Variants in SLC25A12 observed in about 807,000 individuals in gnomAD.
SLC25A12 encodes the protein electrogenic aspartate/glutamate antiporter SLC25A12, mitochondrial.
A neutral mutation model predicts 83.3 loss-of-function variants in SLC25A12; 32 were observed. The observed-to-expected ratio is 0.38, with a 90% CI of 0.29 to 0.52. The LOEUF (loss-of-function observed/expected upper bound fraction) is 0.52, where lower values mean the gene tolerates loss of function less well. Ranked by LOEUF, SLC25A12 falls within the 20% of genes least tolerant of loss-of-function variation. SLC25A12 has a pLI of 0.84. For missense variants in SLC25A12, 611 were observed against 835.6 expected (o/e 0.73, Z 3.31); for synonymous variants, 267 against 291.1 (o/e 0.92, Z 0.84).
chr2:171,803,164 A>G (rs1270460379), intron 13 of SLC25A12, among the ~76,000 whole-genome samples: 1 of 152,080 alleles, frequency 6.6e-6, no homozygotes, highest in Non-Finnish European at 1.5e-5. Context: ...AAAATCGGAA[A>G]AGACCTAGAT....
At chr2:171,849,363 A>G (rs545624731) in intron 4 of SLC25A12, among the ~76,000 whole-genome samples, 1 of 151,892 alleles carries the variant, frequency 6.6e-6, no homozygotes, top group Non-Finnish European at 1.5e-5. Flanking sequence ...AAAGCAAAAA[A>G]CAAAAAACTT....
chr2:171,817,776 G>C (rs1198543150), intron 9 of SLC25A12, among the ~76,000 whole-genome samples: 1 of 151,940 alleles, frequency 6.6e-6, no homozygotes, highest in African/African-American at 2.4e-5. Flanking sequence ...AAAAGCCTAT[G>C]ATCCTAAATA....
chr2:171,829,358 G>T (rs994763837), intron 8 of SLC25A12, among the ~76,000 whole-genome samples: 1 of 152,008 alleles, frequency 6.6e-6, no homozygotes, highest in Non-Finnish European at 1.5e-5. Context: ...CCCAGAACCT[G>T]CCCCCAAAAG....
At chr2:171,882,829 A>T (rs1168819009) in intron 2 of SLC25A12, among the ~76,000 whole-genome samples, 1 of 152,228 alleles carries the variant, frequency 6.6e-6, no homozygotes, top group Non-Finnish European at 1.5e-5. Flanking sequence ...ACGCACAAAA[A>T]AAAAATATGT....
At chr2:171,886,142 A>G (rs1447318440) in intron 2 of SLC25A12, among the ~76,000 whole-genome samples, 1 of 152,016 alleles carries the variant, frequency 6.6e-6, no homozygotes, top group Non-Finnish European at 1.5e-5. Context: ...TTGGTGGTCT[A>G]GGCCTAACTC....
Position 171,793,672 on chromosome 2 carries a change from G to A in SLC25A12, c.1401C>T (p.Ser467=), listed in dbSNP as rs150077172. 39 of 1,614,108 alleles carry A rather than the reference G, an allele frequency of 2.4e-5. No individual in the cohort carries two copies. Among genetic ancestry groups the A allele is most frequent in the African/African-American group, 1.1e-4 (8 of 75,022 alleles). The change falls in exon 14 of 18, where the codon AGC becomes AGT. Residue 467 remains serine, a synonymous_variant. Transcript: ENST00000422440. ...AGEITTGPRV[S]ALNVLRDLGI... ...CCAAGTCCCGGAGCACATTCAGGGCGCTGACTCTGGGTCCCGTGGTGATCT... is the reference window on the plus strand; with the variant it reads ...CCAAGTCCCGGAGCACATTCAGGGCACTGACTCTGGGTCCCGTGGTGATCT...
intron 2 of SLC25A12, among the ~76,000 whole-genome samples, chr2:171,869,640 G>A (rs1376955734): frequency 1.3e-5 from 2 of 152,042 alleles, no homozygotes; most frequent in Non-Finnish European, 2.9e-5. Flanking sequence ...AATAATACCT[G>A]TATCAAAGAA....
intron 8 of SLC25A12, among the ~76,000 whole-genome samples, chr2:171,827,803 CAGCCAGGAGGTA>C (rs1321119789): frequency 2.0e-5 from 3 of 152,226 alleles, no homozygotes; most frequent in African/African-American, 4.8e-5. Flanking sequence ...CTTGGCAAGT[CAGCCAGGAGGTA>C]AGCCCAAATT....
intron 4 of SLC25A12, among the ~76,000 whole-genome samples, chr2:171,844,802 GGCT>G (rs150344474): frequency 1.1e-4 from 16 of 152,096 alleles, no homozygotes; most frequent in African/African-American, 1.9e-4. Flanking sequence ...CATCATAAAT[GGCT>G]GCTATTTTAC....
At chr2:171,844,315 G>T in intron 5 of SLC25A12, 54 bp downstream of exon 5, 1 of 1,556,768 alleles carries the variant, frequency 6.4e-7, no homozygotes, top group Non-Finnish European at 8.9e-7. Context: ...AATACAAAGC[G>T]AAGGACACAG....
chr2:171,798,670 C>A (rs1211222636), intron 13 of SLC25A12, among the ~76,000 whole-genome samples: 1 of 152,152 alleles, frequency 6.6e-6, no homozygotes, highest in Non-Finnish European at 1.5e-5. Flanking sequence ...CCTTGCACAC[C>A]ACCAACCGTT....
At chr2:171,818,584 C>A (rs1440701532) in intron 9 of SLC25A12, among the ~76,000 whole-genome samples, 2 of 151,682 alleles carry the variant, frequency 1.3e-5, no homozygotes, top group Admixed American at 1.3e-4. Context: ...CCAGCCTGGG[C>A]AACATGGTAA....
chr2:171,894,137 G>A, intron 1 of SLC25A12, 66 bp downstream of exon 1: 1 of 1,571,150 alleles, frequency 6.4e-7, no homozygotes, highest in Non-Finnish European at 8.7e-7. Context: ...AGCAGTGGGG[G>A]GCTGCAGGCA....
chr2:171,890,477 C>CTGTGTGTGTGTGTGTG (rs34728188), intron 2 of SLC25A12, among the ~76,000 whole-genome samples: 2 of 149,206 alleles, frequency 1.3e-5, no homozygotes, highest in Admixed American at 1.3e-4. Context: ...TCGTGTGTGT[C>CTGTGTGTGTGTGTGTG]TGTGTGTGTG....
At chr2:171,835,852 T>C (rs1281902041) in intron 6 of SLC25A12, among the ~76,000 whole-genome samples, 1 of 152,058 alleles carries the variant, frequency 6.6e-6, no homozygotes, top group East Asian at 1.9e-4. Context: ...AGCCTGAATT[T>C]GGATACCAGC....
intron 4 of SLC25A12, among the ~76,000 whole-genome samples, chr2:171,855,566 A>G (rs1415833790): frequency 2.3e-5 from 3 of 132,186 alleles, no homozygotes; most frequent in Non-Finnish European, 3.3e-5. Context: ...GCCCAGAACA[A>G]GAAAATCTTA....
At chr2:171,890,330 TATAAAACTGTTTC>T (rs1407167274) in intron 2 of SLC25A12, among the ~76,000 whole-genome samples, 1 of 152,260 alleles carries the variant, frequency 6.6e-6, no homozygotes, top group Admixed American at 6.5e-5. Flanking sequence ...TATATGCATC[TATAAAACTGTTTC>T]ATAAAACTGT....
intron 4 of SLC25A12, among the ~76,000 whole-genome samples, chr2:171,853,350 C>T (rs1444668825): frequency 6.6e-6 from 1 of 152,148 alleles, no homozygotes; most frequent in Non-Finnish European, 1.5e-5. Flanking sequence ...ATTCATAAAT[C>T]ATAGTTTGAA....
chr2:171,792,162 C>T (rs925010530), intron 14 of SLC25A12, among the ~76,000 whole-genome samples: 16 of 152,010 alleles, frequency 1.1e-4, no homozygotes, highest in Non-Finnish European at 1.5e-5. Flanking sequence ...GCAGCTTGTC[C>T]CAATGACTGA....
Sources: gnomAD v4.1 joint callset for allele counts (sites outside exome capture counted in the v4.1 genomes callset) on GRCh38, gnomAD v4.1.1 for gene constraint, MANE v1.5 for transcripts, NCBI Gene and HGNC (gene_info 2026-07-23, HGNC 2026-07-21) for gene names.